Variants in KIAA1217 observed in about 807,000 individuals in gnomAD.
KIAA1217 encodes sickle tail protein homolog.
A neutral mutation model predicts 163.9 loss-of-function variants in KIAA1217; 88 were observed. The observed-to-expected ratio is 0.54, with a 90% CI of 0.45 to 0.64. The LOEUF (loss-of-function observed/expected upper bound fraction) is 0.64, where lower values mean the gene tolerates loss of function less well. Ranked by LOEUF, KIAA1217 falls within the 30% of genes least tolerant of loss-of-function variation. The pLI is 0.00. For synonymous variants in KIAA1217, 903 were observed against 923.1 expected (o/e 0.98, Z 0.39); for missense variants, 2,372 against 2,475.0 (o/e 0.96, Z 0.88).
intron 1 of KIAA1217, among the ~76,000 whole-genome samples, chr10:23,912,292 C>G (rs969161820): frequency 1.3e-5 from 2 of 151,986 alleles, no homozygotes; most frequent in Non-Finnish European, 2.9e-5. Flanking sequence ...GCAAAAATAA[C>G]AGTTGGGAGG....
intron 3 of KIAA1217, among the ~76,000 whole-genome samples, chr10:24,417,042 G>C (rs773596180): frequency 2.0e-5 from 3 of 152,138 alleles, no homozygotes; most frequent in Non-Finnish European, 4.4e-5. Context: ...ATTTCTATGA[G>C]AGCTGGCAAT....
intron 2 of KIAA1217, among the ~76,000 whole-genome samples, chr10:24,350,684 T>C (rs2048344899): frequency 6.6e-6 from 1 of 152,180 alleles, no homozygotes; most frequent in Admixed American, 6.5e-5. Context: ...GTAATTGACT[T>C]TGAAACAGGA....
chr10:24,146,596 T>A (rs2131846344), intron 2 of KIAA1217, among the ~76,000 whole-genome samples: 1 of 151,966 alleles, frequency 6.6e-6, no homozygotes, highest in African/African-American at 2.4e-5. Flanking sequence ...GGTGGGAGGA[T>A]CACTTGAGCC....
intron 2 of KIAA1217, among the ~76,000 whole-genome samples, chr10:24,075,479 T>C (rs1167371514): frequency 6.6e-6 from 1 of 152,210 alleles, no homozygotes; most frequent in Non-Finnish European, 1.5e-5. Flanking sequence ...GTGACTGATA[T>C]GTTATCTATG....
Position 23,833,982 on chromosome 10 carries a change from T to G in KIAA1217, c.-321+138748T>G, listed in dbSNP as rs899858039. The stretch of plus-strand genomic sequence containing the variant: ...AAACATAGTTTATATGGATTTCATG[T>G]CTTCATTTATCTCCCTTTAAAGTTT... On this transcript the variant is annotated intron_variant, in intron 1 of 18. Coordinates refer to the KIAA1217 transcript ENST00000376462. 2.6e-5 allele frequency among the ~76,000 whole-genome samples: 4 copies of G among 152,292 alleles called. No individual in the cohort carries two copies. The East Asian group carries it at 7.7e-4, about 29-fold the overall frequency.
chr10:24,218,617 T>C (rs905206505), intron 1 of KIAA1217, among the ~76,000 whole-genome samples: 20 of 151,818 alleles, frequency 1.3e-4, no homozygotes, highest in Admixed American at 2.6e-4. Context: ...GCCTCCCGAG[T>C]AGCTGGGACT....
At chr10:24,177,290 T>TATATAC (rs1407975745) in intron 2 of KIAA1217, among the ~76,000 whole-genome samples, 1 of 81,414 alleles carries the variant, frequency 1.2e-5, no homozygotes, top group African/African-American at 3.9e-5. Context: ...TATATATATA[T>TATATAC]ATATATATTA....
At chr10:23,781,697 G>A (rs1461448071) in intron 1 of KIAA1217, among the ~76,000 whole-genome samples, 1 of 152,142 alleles carries the variant, frequency 6.6e-6, no homozygotes, top group Non-Finnish European at 1.5e-5. Context: ...GAGTTCTGTG[G>A]CTTCAGATTG....
chr10:24,391,496 C>T (rs1327274412), intron 3 of KIAA1217, among the ~76,000 whole-genome samples: 1 of 151,912 alleles, frequency 6.6e-6, no homozygotes, highest in African/African-American at 2.4e-5. Context: ...AGGCAACGGC[C>T]AACACACCTG....
At chr10:24,016,607 T>C (rs1461759774) in intron 2 of KIAA1217, among the ~76,000 whole-genome samples, 1 of 152,148 alleles carries the variant, frequency 6.6e-6, no homozygotes, top group Non-Finnish European at 1.5e-5. Context: ...TAGTGTAGTA[T>C]ATTGTAGTAT....
chr10:24,215,825 G>A (rs1327442057), intron 1 of KIAA1217, among the ~76,000 whole-genome samples: 6 of 152,180 alleles, frequency 3.9e-5, no homozygotes, highest in African/African-American at 9.7e-5. Context: ...CAGGTGCCTC[G>A]AGGTAGGAGG....
chr10:24,168,561 G>A (rs570900934), intron 2 of KIAA1217, among the ~76,000 whole-genome samples: 3 of 152,296 alleles, frequency 2.0e-5, no homozygotes, highest in Admixed American at 6.5e-5. Context: ...TAAAAGAAAC[G>A]TGACCAGCTG....
intron 3 of KIAA1217, among the ~76,000 whole-genome samples, chr10:24,409,934 T>C (rs901851551): frequency 7.2e-5 from 11 of 152,144 alleles, no homozygotes; most frequent in Non-Finnish European, 1.5e-5. Context: ...TTCTTCCTTT[T>C]TATGTGATAT....
chr10:24,070,024 G>C (rs2061124122), intron 2 of KIAA1217, among the ~76,000 whole-genome samples: 1 of 152,098 alleles, frequency 6.6e-6, no homozygotes, highest in Non-Finnish European at 1.5e-5. Flanking sequence ...TTTTTTTGTA[G>C]AGATAGTGTC....
intron 1 of KIAA1217, among the ~76,000 whole-genome samples, chr10:23,720,635 A>C (rs946800734): frequency 1.3e-5 from 2 of 152,176 alleles, no homozygotes; most frequent in Admixed American, 6.5e-5. Flanking sequence ...TGGGAATCCA[A>C]CAATTGGTTA....
chr10:24,037,489 C>CA (rs1173585171), intron 2 of KIAA1217, among the ~76,000 whole-genome samples: 8 of 151,710 alleles, frequency 5.3e-5, no homozygotes, highest in African/African-American at 1.9e-4. Context: ...GACTCTGTCT[C>CA]AAAAAAACAA....
intron 1 of KIAA1217, among the ~76,000 whole-genome samples, chr10:23,825,753 C>A (rs942574609): frequency 1.3e-5 from 2 of 152,102 alleles, no homozygotes; most frequent in African/African-American, 4.8e-5. Flanking sequence ...ATGAAAATAA[C>A]AGTAAAAAAA....
intron 2 of KIAA1217, among the ~76,000 whole-genome samples, chr10:24,034,119 C>A (rs1166526087): frequency 6.6e-6 from 1 of 152,184 alleles, no homozygotes; most frequent in Non-Finnish European, 1.5e-5. Context: ...TATTCATTAT[C>A]CCACTTGATT....
intron 1 of KIAA1217, among the ~76,000 whole-genome samples, chr10:23,713,736 G>C (rs1419804426): frequency 1.3e-5 from 2 of 151,940 alleles, no homozygotes; most frequent in Non-Finnish European, 2.9e-5. Context: ...TTTAATTTTT[G>C]CCAAAATATG....
Sources: gnomAD v4.1 joint callset for allele counts (sites outside exome capture counted in the v4.1 genomes callset) on GRCh38, gnomAD v4.1.1 for gene constraint, MANE v1.5 for transcripts, NCBI Gene and HGNC (gene_info 2026-07-23, HGNC 2026-07-21) for gene names.